Variants in USP7 observed in about 807,000 individuals in gnomAD.
USP7 encodes the protein ubiquitin specific peptidase 7.
A neutral mutation model predicts 162.9 loss-of-function variants in USP7; 9 were observed. The ratio of observed to expected loss-of-function variants is 0.06; its 90% confidence interval spans 0.03 to 0.10. The LOEUF (loss-of-function observed/expected upper bound fraction) is 0.10. Ranked by LOEUF, USP7 falls within the 10% of genes least tolerant of loss-of-function variation. The pLI is 1.00. For missense variants in USP7, 715 were observed against 1,373.7 expected (o/e 0.52, Z 7.58); for synonymous variants, 562 against 475.9 (o/e 1.18, Z -2.35).
chr16:8,902,671 C>T (rs1012472954), intron 16 of USP7, among the ~76,000 whole-genome samples, 189 bp from the exon 17 acceptor site: 5 of 152,002 alleles, frequency 3.3e-5, no homozygotes, highest in African/African-American at 9.7e-5. Context: ...AGGTGGATCA[C>T]GAGGTCGGGA....
intron 12 of USP7, among the ~76,000 whole-genome samples, chr16:8,906,801 G>C (rs1243154108): frequency 6.6e-6 from 1 of 152,116 alleles, no homozygotes; most frequent in Non-Finnish European, 1.5e-5. Context: ...TAGGGTGGAG[G>C]AATTCCAAAT....
rs1222287661 is a variant in USP7 at position 8,961,492 on chromosome 16, C to CA, written c.79+1714dup. Among the ~76,000 whole-genome samples the CA allele has an allele frequency of 6.9e-3, 337 of 48,506 alleles. 6 individuals carry two copies. Among genetic ancestry groups the CA allele is most frequent in the Middle Eastern group, 0.02 (1 of 50 alleles). 31.8% of individuals were successfully genotyped at this position (48,506 alleles called of 152,430 possible). A position where few individuals can be genotyped will look rare whatever the true frequency, so the allele number is the denominator to read the frequency against. ...GGGCAACAAGAGCAAAAATCCGTCT[C>CA]AAAAAAAAAAAAGGGGGGGGGGGGC... is the stretch of plus-strand genomic sequence containing the variant. On this transcript the variant is annotated intron_variant, in intron 1 of 30. Transcript: ENST00000344836.
At chr16:8,932,065 C>T (rs1048190533) in intron 1 of USP7, among the ~76,000 whole-genome samples, 1 of 152,138 alleles carries the variant, frequency 6.6e-6, no homozygotes, top group Non-Finnish European at 1.5e-5. Flanking sequence ...CTCACCTCCC[C>T]CTCCAAGAAC....
chr16:8,923,103 C>G, intron 3 of USP7, 112 bp downstream of exon 3: 1 of 515,374 alleles, frequency 1.9e-6, no homozygotes, highest in Non-Finnish European at 3.1e-6. Context: ...AAGAGAAACA[C>G]GTATTTAATC....
intron 15 of USP7, 118 bp downstream of exon 15, chr16:8,904,317 T>C (rs1192946379): frequency 4.6e-6 from 7 of 1,510,032 alleles, no homozygotes; most frequent in Non-Finnish European, 6.2e-6. Flanking sequence ...CAGAGATGGA[T>C]GCCCTGCTGC....
At chr16:8,948,527 C>CA (rs1400816558) in intron 1 of USP7, among the ~76,000 whole-genome samples, 2 of 151,970 alleles carry the variant, frequency 1.3e-5, no homozygotes, top group African/African-American at 2.4e-5. Flanking sequence ...TTCCTAACTG[C>CA]AAAAAAAGTT....
At chr16:8,946,929 G>C (rs1055634775) in intron 1 of USP7, among the ~76,000 whole-genome samples, 2 of 152,152 alleles carry the variant, frequency 1.3e-5, no homozygotes, top group African/African-American at 4.8e-5. Context: ...TTTCCAAACG[G>C]CCAATAAATG....
chr16:8,924,178 A>C (rs1897863782), intron 2 of USP7, among the ~76,000 whole-genome samples: 1 of 152,214 alleles, frequency 6.6e-6, no homozygotes, highest in Non-Finnish European at 1.5e-5. Flanking sequence ...GATGACAGTG[A>C]CTATTCATTT....
At chr16:8,916,832 C>A (rs1897395818) in intron 7 of USP7, among the ~76,000 whole-genome samples, 194 bp downstream of exon 7, 1 of 152,136 alleles carries the variant, frequency 6.6e-6, no homozygotes, top group Non-Finnish European at 1.5e-5. Flanking sequence ...CAAAATTCTA[C>A]AACAAAGTGT....
chr16:8,917,203 G>A (rs763193864), intron 6 of USP7, 47 bp from the exon 7 acceptor site: 5 of 1,547,628 alleles, frequency 3.2e-6, no homozygotes, highest in South Asian at 2.4e-5. Flanking sequence ...AAGATGCAGG[G>A]GAATTTAAAA....
chr16:8,920,006 G>C (rs1017489774), intron 5 of USP7, among the ~76,000 whole-genome samples: 7 of 152,180 alleles, frequency 4.6e-5, no homozygotes, highest in African/African-American at 1.7e-4. Context: ...CACTCGGAGA[G>C]GACTTCCTCC....
intron 3 of USP7, among the ~76,000 whole-genome samples, chr16:8,921,814 G>A (rs1247068621): frequency 1.3e-5 from 2 of 152,214 alleles, no homozygotes; most frequent in Non-Finnish European, 2.9e-5. Flanking sequence ...GCAGTGAAGT[G>A]TGGGGTGGAC....
chr16:8,895,549 C>G, intron 27 of USP7, 93 bp downstream of exon 27: 1 of 1,084,024 alleles, frequency 9.2e-7, no homozygotes, highest in Non-Finnish European at 1.4e-6. Flanking sequence ...AAACACAAAT[C>G]AAGCTACTTG....
intron 10 of USP7, among the ~76,000 whole-genome samples, chr16:8,912,901 G>A (rs1458199434): frequency 3.3e-5 from 5 of 152,124 alleles, no homozygotes; most frequent in Non-Finnish European, 7.4e-5. Context: ...GGGATTCACA[G>A]AGAACTAGAC....
At chr16:8,963,182 G>T (rs1371282666) in intron 1 of USP7, 25 bp downstream of exon 1, 22 of 1,398,548 alleles carry the variant, frequency 1.6e-5, no homozygotes, top group Admixed American at 1.0e-4. Flanking sequence ...CCCCGGCCCC[G>T]CCGCGGCCGG....
intron 17 of USP7, 73 bp from the exon 18 acceptor site, chr16:8,902,260 G>A (rs2061786414): frequency 6.3e-7 from 1 of 1,584,346 alleles, no homozygotes; most frequent in African/African-American, 1.4e-5. Context: ...CTACAGTCAA[G>A]TATTGAAGAA....
chr16:8,895,061 G>A lies in USP7; in HGVS notation c.3009C>T (p.Phe1003=), dbSNP rs143088519. 24 of 1,614,216 alleles carry A rather than the reference G, an allele frequency of 1.5e-5. No individual in the cohort carries two copies. Among genetic ancestry groups the A allele is most frequent in the East Asian group, 4.5e-5 (2 of 44,886 alleles). ...AHFHKEVFGT[F]GIPFLLRIHQ... is the part of the protein sequence containing the mutation. The stretch of plus-strand genomic sequence containing the variant: ...GTATCCTCAGCAAAAACGGGATTCC[G>A]AACGTTCCGAAGACCTCTTTGTGGA... The change falls in exon 28 of 31, where the codon TTC becomes TTT. Residue 1003 remains phenylalanine, a synonymous_variant. Transcript: ENST00000344836.
intron 10 of USP7, among the ~76,000 whole-genome samples, chr16:8,914,456 C>G (rs1567220343): frequency 6.6e-6 from 1 of 152,124 alleles, no homozygotes; most frequent in Non-Finnish European, 1.5e-5. Flanking sequence ...GTCGATCTGC[C>G]TTATGCCTAA....
At position 8,913,310 on chromosome 16, in the gene USP7, C is replaced by T. The variant is rs529508069; in HGVS notation, c.1078+1944G>A. On this transcript the variant is annotated intron_variant, in intron 10 of 30. Transcript: ENST00000344836. ...GGTGGAGGTTGCAGTGAGCCGAGAT[C>T]GCACCACTGCACTCCAGCCTGGGCA... Among the ~76,000 whole-genome samples, 19 of 152,186 alleles carry T rather than the reference C, an allele frequency of 1.2e-4. No individual in the cohort carries two copies. In the South Asian group the frequency reaches 2.7e-3, roughly 22 times the overall value.
Sources: gnomAD v4.1 joint callset for allele counts (sites outside exome capture counted in the v4.1 genomes callset) on GRCh38, gnomAD v4.1.1 for gene constraint, MANE v1.5 for transcripts, NCBI Gene and HGNC (gene_info 2026-07-23, HGNC 2026-07-21) for gene names.